MGAM2: variants seen among roughly 807,000 people sequenced by gnomAD.
MGAM2 encodes the protein maltase-glucoamylase 2 (putative), also known as probable maltase-glucoamylase 2.
A neutral mutation model predicts 96.1 loss-of-function variants in MGAM2; 98 were observed. The ratio of observed to expected loss-of-function variants is 1.02; its 90% confidence interval spans 0.87 to 1.21. The LOEUF (loss-of-function observed/expected upper bound fraction) is 1.21, where lower values mean the gene tolerates loss of function less well. Ranked by LOEUF, MGAM2 falls within the 50% of genes most tolerant of loss-of-function variation. The pLI is 0.00. For missense variants in MGAM2, 2,055 were observed against 1,182.4 expected (o/e 1.74, Z -10.82); for synonymous variants, 749 against 414.8 (o/e 1.81, Z -9.79).
chr7:142,215,470 A>C (rs1203325296), intron 46 of MGAM2, among the ~76,000 whole-genome samples: 1 of 152,080 alleles, frequency 6.6e-6, no homozygotes. Context: ...AAAAAAAAAA[A>C]AAACATTTGG....
At chr7:142,150,939 A>G (rs1795561150) in intron 15 of MGAM2, among the ~76,000 whole-genome samples, 1 of 151,996 alleles carries the variant, frequency 6.6e-6, no homozygotes, top group Non-Finnish European at 1.5e-5. Flanking sequence ...TACCCTGTCC[A>G]TTTTGCAAAA....
At chr7:142,188,151 C>CAT (rs201456923) in intron 36 of MGAM2, among the ~76,000 whole-genome samples, 8 of 145,708 alleles carry the variant, frequency 5.5e-5, no homozygotes, top group Non-Finnish European at 9.1e-5. Context: ...CACACACACA[C>CAT]GTGGAGAGAT....
rs769286517 is a variant in MGAM2 at position 142,148,474 on chromosome 7, T to C, written c.1634+901T>C. The stretch of plus-strand genomic sequence containing the variant: ...CTGCTGTTGCCACCACCACCCATTA[T>C]GAAAGTCTACCAAGGAGACAAATGT... On this transcript the variant is annotated intron_variant, in intron 15 of 47. Transcript: ENST00000477922. The surrounding 1 kb of genome is among the most constrained non-coding windows in gnomAD (Gnocchi z 4.2). 3.9e-5 allele frequency among the ~76,000 whole-genome samples: 6 copies of C among 152,226 alleles called. No individual in the cohort carries two copies. Among genetic ancestry groups the C allele is most frequent in the Non-Finnish European group, 7.3e-5 (5 of 68,040 alleles).
In MGAM2 at chr7:142,221,833, C is replaced by G. The variant is rs1585234602; in HGVS notation, c.7322C>G (p.Thr2441Arg). ...TTHISVSNLT[T>R]ASVTITATGL... The stretch of plus-strand genomic sequence containing the variant: ...CACATTTCTGTTTCAAATCTCACAA[C>G]AGCCTCAGTCACAATAACAGCCACT... The change falls in exon 48 of 48, where the codon ACA (threonine) becomes AGA (arginine). Residue 2441 changes from threonine to arginine, a missense_variant. Physicochemically the swap from Thr to Arg is moderately conservative, Grantham distance 71 (BLOSUM62 -1). Coordinates refer to ENST00000477922, the MANE Select transcript of MGAM2 (RefSeq NM_001293626.2). 1 of 400,192 alleles carries G rather than the reference C, an allele frequency of 2.5e-6. No homozygotes were observed. Among genetic ancestry groups the G allele is most frequent in the Non-Finnish European group, 4.4e-6 (1 of 227,074 alleles). The allele number at this position is 400,192 out of a possible 1,614,324, so 24.8% of individuals were successfully genotyped here. A position where few individuals can be genotyped will look rare whatever the true frequency, so the allele number is the denominator to read the frequency against.
At chr7:142,142,769 C>T (rs933783745) in intron 12 of MGAM2, among the ~76,000 whole-genome samples, 3 of 152,024 alleles carry the variant, frequency 2.0e-5, no homozygotes, top group Admixed American at 6.6e-5. Context: ...AGACTGGTCT[C>T]GAACTCCTGA....
intron 2 of MGAM2, among the ~76,000 whole-genome samples, chr7:142,118,957 G>A (rs921084053): frequency 2.6e-5 from 4 of 152,092 alleles, no homozygotes; most frequent in Admixed American, 2.6e-4. Context: ...GATACCCAAA[G>A]CACAGCAAAC....
rs765007343 is a variant in MGAM2 at position 142,139,659 on chromosome 7, C to CAA, written c.1086+1012_1086+1013dup. The stretch of plus-strand genomic sequence containing the variant: ...TGGGTGACAGAGTGAGGCTCTATCT[C>CAA]AAAAAAAAAAAAAAAAAAAAAGAAT... On this transcript the variant is annotated intron_variant, in intron 10 of 47. Coordinates refer to ENST00000477922, the MANE Select transcript of MGAM2 (RefSeq NM_001293626.2). Among the ~76,000 whole-genome samples the CAA allele has an allele frequency of 2.4e-3, 128 of 54,408 alleles. 1 individual carries two copies. Among genetic ancestry groups the CAA allele is most frequent in the African/African-American group, 6.6e-3 (100 of 15,164 alleles). The allele number at this position is 54,408 out of a possible 152,430, so 35.7% of individuals were successfully genotyped here.
intron 45 of MGAM2, among the ~76,000 whole-genome samples, chr7:142,205,867 C>T (rs950683021): frequency 1.3e-5 from 2 of 152,046 alleles, no homozygotes; most frequent in Non-Finnish European, 2.9e-5. Flanking sequence ...TTGCACATTA[C>T]AAAGTCCCAA....
At chr7:142,181,644 C>G (rs1390499615) in intron 32 of MGAM2, among the ~76,000 whole-genome samples, 1 of 152,184 alleles carries the variant, frequency 6.6e-6, no homozygotes, top group Non-Finnish European at 1.5e-5. Context: ...CTCTTAGGGA[C>G]AGCCTGAGCC....
rs1164082692 is a variant in MGAM2, at chr7:142,173,239, G to A, written c.3572G>A (p.Arg1191Gln). ...VTQQYTELIG[R>Q]PAMIPYWALG... is the part of the protein sequence containing the mutation. ...TTCTTTTTATTCTAGTTGATTGGTCGGCCAGCAATGATTCCATACTGGGCC... is the reference window on the plus strand; with the variant it reads ...TTCTTTTTATTCTAGTTGATTGGTCAGCCAGCAATGATTCCATACTGGGCC... The change falls in exon 31 of 48, where the codon CGG becomes CAG. Residue 1191 changes from arginine (R) to glutamine (Q), a missense_variant. Transcript: ENST00000477922. The A allele has an allele frequency of 2.0e-5, 14 of 702,508 alleles. No homozygotes were observed. Among genetic ancestry groups the A allele is most frequent in the Admixed American group, 6.0e-5 (3 of 49,948 alleles). 43.5% of individuals were successfully genotyped at this position (702,508 alleles called of 1,614,324 possible). A position where few individuals can be genotyped will look rare whatever the true frequency, so the allele number is the denominator to read the frequency against.
In MGAM2 at chr7:142,143,797, A is replaced by T. The variant is rs1795306222; in HGVS notation, c.1346A>T (p.Asp449Val). The T allele has an allele frequency of 1.5e-6, 1 of 688,422 alleles. No individual in the cohort carries two copies. The highest frequency in any genetic ancestry group is 2.7e-6 in the Non-Finnish European group (1 of 376,188). 42.6% of individuals were successfully genotyped at this position (688,422 alleles called of 1,614,324 possible). A position where few individuals can be genotyped will look rare whatever the true frequency, so the allele number is the denominator to read the frequency against. Reference protein sequence around the residue: ...EGYPGPTVFPDYTNPVCTEWW... With the variant: ...EGYPGPTVFPVYTNPVCTEWW... The stretch of plus-strand genomic sequence containing the variant: ...TATCCGGGACCGACAGTCTTTCCCG[A>T]TTATACCAATCCAGTATGCACTGAG... The change falls in exon 13 of 48, where the codon GAT becomes GTT. Residue 449 changes from aspartate (D) to valine (V), a missense_variant. Asp to Val is a radical substitution (Grantham distance 152). Transcript: ENST00000477922.
At position 142,148,648 on chromosome 7, in the gene MGAM2, A is replaced by T; in HGVS notation, c.1634+1075A>T. Among the ~76,000 whole-genome samples the T allele has an allele frequency of 6.6e-6, 1 of 152,212 alleles. No individual in the cohort carries two copies. Among genetic ancestry groups the T allele is most frequent in the East Asian group, 1.9e-4 (1 of 5,196 alleles). ...ATCATTATACCTAAGAGAGCAAGAA[A>T]ATTTGGGGCCAGGCTTAAGATTTTA... On this transcript the variant is annotated intron_variant, in intron 15 of 47. Transcript: ENST00000477922. This position sits in a 1 kb window ranked among gnomAD's most constrained non-coding sequence, Gnocchi z 4.2.
intron 15 of MGAM2, among the ~76,000 whole-genome samples, chr7:142,150,169 G>C (rs139534776): frequency 2.0e-5 from 3 of 151,612 alleles, no homozygotes; most frequent in African/African-American, 7.3e-5. Flanking sequence ...TCAAACTCCC[G>C]ACCTCTGGTG....
In MGAM2 at chr7:142,160,264, C is replaced by T. The variant is rs1291885370; in HGVS notation, c.2345+6C>T. The T allele has an allele frequency of 7.2e-6, 5 of 694,818 alleles. No homozygotes were observed. The highest frequency in any genetic ancestry group is 6.1e-5 in the South Asian group (4 of 66,044). 43.0% of individuals were successfully genotyped at this position (694,818 alleles called of 1,614,324 possible). A position where few individuals can be genotyped will look rare whatever the true frequency, so the allele number is the denominator to read the frequency against. ...AACACAACCACAGAAGCCAGGTAAG[C>T]TCCTTACTCTTCTAAGGTATGACTA... On this transcript the variant is annotated splice_donor_region_variant and intron_variant, in intron 21 of 47. Transcript: ENST00000477922.
chr7:142,164,397 G>A (rs528802561), intron 23 of MGAM2, among the ~76,000 whole-genome samples: 1 of 152,262 alleles, frequency 6.6e-6, no homozygotes, highest in African/African-American at 2.4e-5. Context: ...CATGTCAAAT[G>A]CTTAGCACAG....
chr7:142,166,669 G>C (rs544857620), intron 25 of MGAM2, among the ~76,000 whole-genome samples: 3 of 152,240 alleles, frequency 2.0e-5, no homozygotes, highest in South Asian at 2.1e-4. Flanking sequence ...AGAACACTGG[G>C]AGTAGAACCC....
At chr7:142,147,683 T>C (rs548154234) in intron 15 of MGAM2, 110 bp downstream of exon 15, 4 of 567,662 alleles carry the variant, frequency 7.0e-6, no homozygotes, top group Non-Finnish European at 1.2e-5. Flanking sequence ...TTTTTGCATT[T>C]ATAGAAATAG....
intron 1 of MGAM2, among the ~76,000 whole-genome samples, chr7:142,113,649 G>C (rs1817252028): frequency 6.6e-6 from 1 of 152,106 alleles, no homozygotes; most frequent in Non-Finnish European, 1.5e-5. Context: ...GTTTAAACAT[G>C]TTAAATCTTA....
chr7:142,213,485 G>C (rs1328117121), intron 46 of MGAM2, among the ~76,000 whole-genome samples: 12 of 152,146 alleles, frequency 7.9e-5, no homozygotes, highest in Admixed American at 5.9e-4. Context: ...AAATGGTAGA[G>C]AGGAGATCAC....
Sources: gnomAD v4.1 joint callset for allele counts (sites outside exome capture counted in the v4.1 genomes callset) on GRCh38, gnomAD v4.1.1 for gene constraint, Gnocchi (gnomAD v3.1) non-coding constraint, MANE v1.5 for transcripts, NCBI Gene and HGNC (gene_info 2026-07-23, HGNC 2026-07-21) for gene names.